The following VIPAS39 variants were observed in gnomAD, a reference collection of about 807,000 sequenced individuals.
VIPAS39 encodes the protein spermatogenesis-defective protein 39 homolog.
Under a neutral mutation model 84.7 loss-of-function variants are expected in VIPAS39, and 63 were observed. The ratio of observed to expected loss-of-function variants is 0.74; its 90% CI spans 0.61 to 0.92. The LOEUF (loss-of-function observed/expected upper bound fraction) is 0.92. Among genes scored for constraint, VIPAS39 ranks in the 40% least tolerant of loss-of-function variants. VIPAS39 has a pLI of 0.00. For missense variants in VIPAS39, 499 were observed against 604.5 expected (o/e 0.83, Z 1.83); for synonymous variants, 192 against 216.5 (o/e 0.89, Z 0.99).
chr14:77,452,700 A>G (rs1414940585), intron 3 of VIPAS39, among the ~76,000 whole-genome samples: 1 of 150,796 alleles, frequency 6.6e-6, no homozygotes, highest in Non-Finnish European at 1.5e-5. Context: ...GAATCGCTTG[A>G]ACCTGGGAGG....
At chr14:77,429,530 T>C in intron 17 of VIPAS39, 151 bp downstream of exon 17, 2 of 828,772 alleles carry the variant, frequency 2.4e-6, no homozygotes, top group East Asian at 2.4e-5. Context: ...TTTCACTCCC[T>C]GGCCTTTTCT....
intron 1 of VIPAS39, among the ~76,000 whole-genome samples, chr14:77,454,512 T>C (rs897273933): frequency 6.6e-6 from 1 of 151,968 alleles, no homozygotes; most frequent in Non-Finnish European, 1.5e-5. Flanking sequence ...CCGTCTCTAC[T>C]AAAAATACAA....
At position 77,453,321 on chromosome 14, in the gene VIPAS39, G is replaced by A. The variant is rs1468152807; in HGVS notation, c.174C>T (p.Ser58=). Residue 58 remains serine (S), a synonymous_variant, in exon 3 of 20, where the codon AGC becomes AGT. Coordinates refer to ENST00000557658, the MANE Select transcript of VIPAS39 (RefSeq NM_001193315.2). ...TACTTCCCACAGGTTCCCCACTCCA[G>A]CTGACTCGCTCCAGGTCATCATCGT... is the stretch of plus-strand genomic sequence containing the variant. ...DDDDDDLERV[S]WSGEPVGSIS... is the part of the protein sequence containing the mutation. The A allele has an allele frequency of 1.2e-6, 2 of 1,614,026 alleles. No individual in the cohort carries two copies. Among genetic ancestry groups the A allele is most frequent in the Non-Finnish European group, 8.5e-7 (1 of 1,180,004 alleles).
intron 11 of VIPAS39, 51 bp from the exon 12 acceptor site, chr14:77,437,932 G>A: frequency 6.4e-7 from 1 of 1,567,474 alleles, no homozygotes; most frequent in Non-Finnish European, 8.8e-7. Flanking sequence ...TTAGATGAGG[G>A]AGATAGCTGA....
Position 77,435,893 on chromosome 14 carries a change from G to A in VIPAS39, c.863C>T (p.Ala288Val), listed in dbSNP as rs377549327. The change falls in exon 13 of 20, where the codon GCA becomes GTA. Residue 288 changes from alanine to valine, a missense_variant. Transcript: ENST00000557658. Reference sequence around the variant, plus strand: ...GAGCGTGTAATGGTCCTGTATGTGTGCGGAATCTTCTGCTGAAAATGGCAA... The same window carrying A: ...GAGCGTGTAATGGTCCTGTATGTGTACGGAATCTTCTGCTGAAAATGGCAA... Reference protein sequence around the residue: ...VGLPFSAEDSAHIQDHYTLLE... With the variant: ...VGLPFSAEDSVHIQDHYTLLE... 6.2e-6 allele frequency: 10 copies of A among 1,614,126 alleles called. No homozygotes were observed. Among genetic ancestry groups the A allele is most frequent in the East Asian group, 4.5e-5 (2 of 44,884 alleles).
chr14:77,442,787 T>A, intron 9 of VIPAS39, 125 bp from the exon 10 acceptor site: 1 of 921,012 alleles, frequency 1.1e-6, no homozygotes, highest in South Asian at 1.3e-5. Context: ...TAAGAATGGT[T>A]TACCCCTATG....
At chr14:77,441,786 T>C (rs775434468) in intron 10 of VIPAS39, among the ~76,000 whole-genome samples, 3 of 152,234 alleles carry the variant, frequency 2.0e-5, no homozygotes, top group Non-Finnish European at 2.9e-5. Flanking sequence ...ATCAGTCACC[T>C]TGGGCCACAT....
intron 16 of VIPAS39, among the ~76,000 whole-genome samples, chr14:77,431,965 A>G (rs181110696): frequency 5.9e-5 from 9 of 152,328 alleles, no homozygotes; most frequent in African/African-American, 2.2e-4. Flanking sequence ...TGACAAACAA[A>G]TGGATACAGA....
At chr14:77,428,948 C>T in intron 18 of VIPAS39, 58 bp downstream of exon 18, 2 of 1,469,644 alleles carry the variant, frequency 1.4e-6, no homozygotes, top group South Asian at 1.1e-5. Flanking sequence ...TATTATAATC[C>T]CCACCCTGCT....
At chr14:77,429,337 C>T (rs1032252965) in intron 17 of VIPAS39, among the ~76,000 whole-genome samples, 2 of 152,222 alleles carry the variant, frequency 1.3e-5, no homozygotes, top group Non-Finnish European at 2.9e-5. Context: ...GATACACATG[C>T]CAGCAATGAG....
chr14:77,438,475 C>T lies in VIPAS39; in HGVS notation c.763-594G>A, dbSNP rs137948922. On this transcript the variant is annotated intron_variant, in intron 11 of 19. Transcript: ENST00000557658. ...AACTCCAGACCTCAGGTGACCTGCC[C>T]AACTTGGTCTCCCAGTGTGCTGGGA... Among the ~76,000 whole-genome samples, 1,247 of 152,302 alleles carry T rather than the reference C, an allele frequency of 8.2e-3. 10 individuals carry two copies. Among genetic ancestry groups the T allele is most frequent in the Non-Finnish European group, 0.015 (989 of 68,026 alleles).
intron 3 of VIPAS39, 33 bp downstream of exon 3, chr14:77,453,266 C>T: frequency 1.3e-6 from 2 of 1,598,194 alleles, no homozygotes; most frequent in Non-Finnish European, 1.7e-6. Flanking sequence ...GAATCCTCAA[C>T]ATCTATCCCT....
At chr14:77,440,532 AG>A (rs1312010414) in intron 11 of VIPAS39, 2 of 155,964 alleles carry the variant, frequency 1.3e-5, no homozygotes, top group Admixed American at 6.1e-5. Context: ...CAAATTGACC[AG>A]GCCAATTTTC....
At chr14:77,449,844 T>C in intron 4 of VIPAS39, 92 bp from the exon 5 acceptor site, 1 of 1,375,466 alleles carries the variant, frequency 7.3e-7, no homozygotes, top group Non-Finnish European at 1.0e-6. Flanking sequence ...ACCAACTCAA[T>C]AACGCAATAT....
At position 77,437,867 on chromosome 14, in the gene VIPAS39, T is replaced by C; in HGVS notation, c.777A>G (p.Arg259=). ...CAGGGTCCTGAATGTTCAAATGCTC[T>C]CGATAATGAGATAGCTACAAAAAGC... ...RTEELALSHY[R]EHLNIQDPDK... is the part of the protein sequence containing the mutation. Residue 259 remains arginine (R), a synonymous_variant, in exon 12 of 20, where the codon CGA becomes CGG. Transcript: ENST00000557658. 1 of 1,614,180 alleles carries C rather than the reference T, an allele frequency of 6.2e-7. No homozygotes were observed. Among genetic ancestry groups the C allele is most frequent in the African/African-American group, 1.3e-5 (1 of 75,054 alleles).
chr14:77,439,199 T>C (rs529761650), intron 11 of VIPAS39, among the ~76,000 whole-genome samples: 12 of 152,182 alleles, frequency 7.9e-5, no homozygotes, highest in Admixed American at 3.9e-4. Context: ...ACAACATGCA[T>C]GATAAATCAT....
chr14:77,434,106 T>C (rs1177920275), intron 15 of VIPAS39, among the ~76,000 whole-genome samples, 156 bp downstream of exon 15: 2 of 152,334 alleles, frequency 1.3e-5, no homozygotes, highest in Middle Eastern at 3.4e-3. Flanking sequence ...AGCACTGCTA[T>C]AGGCCATTCA....
At chr14:77,435,979 T>A in intron 12 of VIPAS39, 60 bp from the exon 13 acceptor site, 1 of 1,565,008 alleles carries the variant, frequency 6.4e-7, no homozygotes, top group Non-Finnish European at 8.8e-7. Context: ...CAAACCCAAC[T>A]AAACCAAATC....
intron 4 of VIPAS39, 94 bp downstream of exon 4, chr14:77,451,093 A>T (rs772842623): frequency 8.2e-6 from 13 of 1,577,916 alleles, no homozygotes; most frequent in Non-Finnish European, 1.0e-5. Flanking sequence ...ACCCTTCAAT[A>T]ATCTTTTTCT....
Sources: gnomAD v4.1 joint callset for allele counts (sites outside exome capture counted in the v4.1 genomes callset) on GRCh38, gnomAD v4.1.1 for gene constraint, MANE v1.5 for transcripts, NCBI Gene and HGNC (gene_info 2026-07-23, HGNC 2026-07-21) for gene names.